Variants in SPOCK3 observed in about 807,000 individuals in gnomAD.
SPOCK3 encodes SPARC (osteonectin), cwcv and kazal like domains proteoglycan 3.
SPOCK3 carries 30 observed loss-of-function variants against 56.6 expected under a neutral mutation model. That is an observed-to-expected ratio of 0.53 (90% CI 0.40 to 0.72). The LOEUF is 0.72. Ranked by LOEUF, SPOCK3 falls within the 30% of genes least tolerant of loss-of-function variation. The pLI, the probability that SPOCK3 is intolerant of heterozygous loss-of-function variation, is 0.00. For missense variants in SPOCK3, 527 were observed against 530.0 expected (o/e 0.99, Z 0.06); for synonymous variants, 196 against 183.3 (o/e 1.07, Z -0.56).
At chr4:167,069,812 G>C (rs1756506923) in intron 2 of SPOCK3, among the ~76,000 whole-genome samples, 1 of 151,912 alleles carries the variant, frequency 6.6e-6, no homozygotes, top group African/African-American at 2.4e-5. Flanking sequence ...CCCTGTAGAA[G>C]AATCTTAGAG....
At chr4:166,812,499 A>C (rs1006644166) in intron 6 of SPOCK3, among the ~76,000 whole-genome samples, 1 of 151,946 alleles carries the variant, frequency 6.6e-6, no homozygotes, top group Non-Finnish European at 1.5e-5. Flanking sequence ...TATGCAGGTG[A>C]TAGAGATTCA....
At chr4:166,784,013 T>C (rs530396561) in intron 7 of SPOCK3, among the ~76,000 whole-genome samples, 1 of 152,220 alleles carries the variant, frequency 6.6e-6, no homozygotes, top group African/African-American at 2.4e-5. Flanking sequence ...TTCCGATAGT[T>C]CAGATGACTG....
intron 8 of SPOCK3, among the ~76,000 whole-genome samples, chr4:166,748,352 CT>C (rs1440868723): frequency 7.3e-6 from 1 of 137,028 alleles, no homozygotes; most frequent in Admixed American, 7.0e-5. Flanking sequence ...ACCATCTGAT[CT>C]TTGACAAACC....
intron 2 of SPOCK3, among the ~76,000 whole-genome samples, chr4:167,073,913 A>G (rs1756932665): frequency 6.6e-6 from 1 of 151,910 alleles, no homozygotes; most frequent in South Asian, 2.1e-4. Context: ...TTATATAAAC[A>G]TAAGACTTTC....
At chr4:167,067,350 A>G (rs1756255711) in intron 2 of SPOCK3, among the ~76,000 whole-genome samples, 1 of 151,872 alleles carries the variant, frequency 6.6e-6, no homozygotes, top group Admixed American at 6.6e-5. Flanking sequence ...ACTATTTTGC[A>G]ATTTACGTTA....
At chr4:167,176,127 T>A (rs779948383) in intron 2 of SPOCK3, among the ~76,000 whole-genome samples, 2 of 152,090 alleles carry the variant, frequency 1.3e-5, no homozygotes, top group African/African-American at 2.4e-5. Context: ...CTTCTGTGAC[T>A]TAATCTCTTT....
At chr4:166,949,387 C>A (rs1328357391) in intron 4 of SPOCK3, among the ~76,000 whole-genome samples, 2 of 152,198 alleles carry the variant, frequency 1.3e-5, no homozygotes, top group East Asian at 3.9e-4. Context: ...TGGTGAGGAA[C>A]TGCGTTCCTT....
At chr4:166,744,487 T>C (rs1735305247) in intron 8 of SPOCK3, among the ~76,000 whole-genome samples, 1 of 151,912 alleles carries the variant, frequency 6.6e-6, no homozygotes, top group African/African-American at 2.4e-5. Context: ...TAGGTCACCA[T>C]CATCAAAGAC....
chr4:166,960,025 C>T (rs146315537), intron 4 of SPOCK3, among the ~76,000 whole-genome samples: 1,771 of 152,110 alleles, frequency 0.012, 38 homozygotes, highest in African/African-American at 0.041. Context: ...AATGTTACCC[C>T]TAGAGTATAA....
intron 7 of SPOCK3, among the ~76,000 whole-genome samples, chr4:166,754,955 C>G (rs1459353241): frequency 6.6e-6 from 1 of 151,862 alleles, no homozygotes; most frequent in Non-Finnish European, 1.5e-5. Context: ...GCATTTGGTA[C>G]TAATTAGTCA....
intron 5 of SPOCK3, among the ~76,000 whole-genome samples, chr4:166,903,770 TA>T (rs532489641): frequency 3.9e-4 from 60 of 152,214 alleles, no homozygotes; most frequent in Non-Finnish European, 7.6e-4. Context: ...TCAATTCACA[TA>T]ACAAGACTAA....
chr4:167,115,963 T>A (rs1279263792), intron 2 of SPOCK3, among the ~76,000 whole-genome samples: 1 of 151,966 alleles, frequency 6.6e-6, no homozygotes, highest in Admixed American at 6.6e-5. Flanking sequence ...AAACAATTAC[T>A]AAAAGTAATT....
chr4:167,035,244 C>T (rs137935363), intron 3 of SPOCK3, among the ~76,000 whole-genome samples: 2 of 152,140 alleles, frequency 1.3e-5, no homozygotes, highest in African/African-American at 4.8e-5. Context: ...TGTAGCAGTA[C>T]TTTTTTGTTG....
chr4:167,057,254 C>G (rs1027888882), intron 3 of SPOCK3, among the ~76,000 whole-genome samples: 1 of 152,124 alleles, frequency 6.6e-6, no homozygotes, highest in Non-Finnish European at 1.5e-5. Flanking sequence ...TTTGTCACCA[C>G]CAGGCCTGCC....
Position 167,013,070 on chromosome 4 carries a change from C to T in SPOCK3, c.236-12607G>A, listed in dbSNP as rs1750248253. Among the ~76,000 whole-genome samples, 3 of 151,816 alleles carry T rather than the reference C, an allele frequency of 2.0e-5. No individual in the cohort carries two copies. In the South Asian group the frequency reaches 6.2e-4, roughly 31 times the overall value. On this transcript the variant is annotated intron_variant, in intron 3 of 10. Coordinates refer to ENST00000357545, the MANE Select transcript of SPOCK3 (RefSeq NM_001040159.2). ...AATATTACTTCAGTTGTATAAAATCCATGTACTCTAACTCTGATCTCCCCA... is the reference window on the plus strand; with the variant it reads ...AATATTACTTCAGTTGTATAAAATCTATGTACTCTAACTCTGATCTCCCCA...
intron 2 of SPOCK3, among the ~76,000 whole-genome samples, chr4:167,214,035 T>A (rs1735131354): frequency 6.6e-6 from 1 of 152,170 alleles, no homozygotes; most frequent in African/African-American, 2.4e-5. Flanking sequence ...GAGTACATGA[T>A]TTGATACCAA....
intron 5 of SPOCK3, among the ~76,000 whole-genome samples, chr4:166,889,742 A>G (rs1028748466): frequency 6.6e-6 from 1 of 151,918 alleles, no homozygotes; most frequent in African/African-American, 2.4e-5. Context: ...CCCATCTTGT[A>G]TCCCCCAGGC....
intron 6 of SPOCK3, among the ~76,000 whole-genome samples, chr4:166,814,566 A>G (rs1744193596): frequency 6.6e-6 from 1 of 151,972 alleles, no homozygotes; most frequent in African/African-American, 2.4e-5. Context: ...GTTTCCTTCT[A>G]TTCCTCCTGA....
chr4:166,911,663 G>A (rs994591593), intron 5 of SPOCK3, among the ~76,000 whole-genome samples: 3 of 151,870 alleles, frequency 2.0e-5, no homozygotes, highest in South Asian at 2.1e-4. Flanking sequence ...TCAGCCTCCC[G>A]AGTAGCTGGG....
Sources: gnomAD v4.1 joint callset for allele counts (sites outside exome capture counted in the v4.1 genomes callset) on GRCh38, gnomAD v4.1.1 for gene constraint, MANE v1.5 for transcripts, NCBI Gene and HGNC (gene_info 2026-07-23, HGNC 2026-07-21) for gene names.